Variants in GAREM1 observed in about 807,000 individuals in gnomAD.
GAREM1 encodes GRB2 associated regulator of MAPK1 subtype 1.
In GAREM1, 26 loss-of-function variants were observed where a neutral mutation model predicts 71.3. The observed-to-expected ratio is 0.36, with a 90% CI of 0.27 to 0.51. GAREM1 has a LOEUF of 0.51. Among genes scored for constraint, GAREM1 ranks in the 20% least tolerant of loss-of-function variants. The pLI is 0.95. For synonymous variants in GAREM1, 440 were observed against 433.2 expected (o/e 1.02, Z -0.20); for missense variants, 1,026 against 1,103.1 (o/e 0.93, Z 0.99).
At chr18:32,409,799 C>G (rs2048399982) in intron 1 of GAREM1, among the ~76,000 whole-genome samples, 2 of 152,090 alleles carry the variant, frequency 1.3e-5, no homozygotes, top group Non-Finnish European at 2.9e-5. Context: ...TTCAGAAAAA[C>G]AGATAAGCAA....
intron 3 of GAREM1, 138 bp from the exon 4 acceptor site, chr18:32,288,341 T>C (rs2047048240): frequency 1.6e-6 from 1 of 624,788 alleles, no homozygotes; most frequent in African/African-American, 1.8e-5. Flanking sequence ...AGACACCTCA[T>C]TTCTTTTATT....
chr18:32,468,200 C>A (rs2049016207), intron 1 of GAREM1, among the ~76,000 whole-genome samples: 2 of 152,152 alleles, frequency 1.3e-5, no homozygotes, highest in Non-Finnish European at 1.5e-5. Context: ...AAAAAACTCC[C>A]AGATGTATGT....
At chr18:32,398,184 T>C (rs537052812) in intron 1 of GAREM1, among the ~76,000 whole-genome samples, 2 of 152,300 alleles carry the variant, frequency 1.3e-5, no homozygotes, top group African/African-American at 4.8e-5. Context: ...GGGAAATTTA[T>C]AGCACTAAAT....
At chr18:32,347,760 T>C (rs1340655439) in intron 2 of GAREM1, among the ~76,000 whole-genome samples, 2 of 152,224 alleles carry the variant, frequency 1.3e-5, no homozygotes, top group East Asian at 3.9e-4. Context: ...TCAGAGTTTA[T>C]AAGACAGTTC....
At chr18:32,423,342 G>C (rs2048539030) in intron 1 of GAREM1, among the ~76,000 whole-genome samples, 1 of 151,446 alleles carries the variant, frequency 6.6e-6, no homozygotes, top group African/African-American at 2.4e-5. Flanking sequence ...TATGAAATAG[G>C]TATTAGTTTA....
intron 2 of GAREM1, among the ~76,000 whole-genome samples, chr18:32,322,641 G>T (rs1341485576): frequency 6.6e-6 from 1 of 151,320 alleles, no homozygotes; most frequent in African/African-American, 2.4e-5. Flanking sequence ...AAGCAGATGT[G>T]TCAATCACCT....
chr18:32,325,903 C>G (rs1316698440), intron 2 of GAREM1, among the ~76,000 whole-genome samples: 2 of 152,144 alleles, frequency 1.3e-5, no homozygotes, highest in Non-Finnish European at 2.9e-5. Context: ...CAGTAAGTGG[C>G]ACATGACAAG....
At chr18:32,434,662 T>A (rs1300346734) in intron 1 of GAREM1, among the ~76,000 whole-genome samples, 2 of 150,522 alleles carry the variant, frequency 1.3e-5, no homozygotes, top group African/African-American at 2.4e-5. Context: ...AATAAGGAAA[T>A]AAATATGGGA....
rs1267589566 is a variant in GAREM1 at position 32,310,209 on chromosome 18, A to G, written c.377T>C (p.Ile126Thr). The change falls in exon 3 of 6, where the codon ATC becomes ACC. Residue 126 changes from isoleucine (I) to threonine (T), a missense_variant. Physicochemically the swap from Ile to Thr is moderately conservative, Grantham distance 89 (BLOSUM62 -1). This residue lies in a region of GAREM1 where 172 missense variants were observed against 175.2 expected (regional missense o/e 0.98). Transcript: ENST00000269209. ...FPERVYVMED[I>T]TFNVKVASGE... ...AGCTACTACCTTCACGTTGAATGTG[A>G]TATCCTCCATGACGTACACGCGTTC... 1 of 1,614,060 alleles carries G rather than the reference A, an allele frequency of 6.2e-7. No homozygotes were observed. Among genetic ancestry groups the G allele is most frequent in the South Asian group, 1.1e-5 (1 of 91,048 alleles).
intron 1 of GAREM1, among the ~76,000 whole-genome samples, chr18:32,409,528 A>G (rs1044537943): frequency 1.3e-5 from 2 of 152,228 alleles, no homozygotes; most frequent in Non-Finnish European, 2.9e-5. Flanking sequence ...AAGTCAAAGA[A>G]CTTCATGGTG....
At position 32,470,307 on chromosome 18, in the gene GAREM1, C is replaced by T; in HGVS notation, c.121+1G>A. ...TGCCCCGCGCCCCAGCTGGGACTCA[C>T]CGTTGTCCAGGCGCGCGATCTGGGG... On this transcript the variant is annotated splice_donor_variant, in intron 1 of 5. Transcript: ENST00000269209. LOFTEE classifies it high-confidence loss of function. The surrounding 1 kb of genome is among the most constrained non-coding windows in gnomAD (Gnocchi z 4.4). 1.3e-6 allele frequency: 2 copies of T among 1,548,386 alleles called. No homozygotes were observed. Among genetic ancestry groups the T allele is most frequent in the Non-Finnish European group, 1.7e-6 (2 of 1,150,560 alleles).
At chr18:32,322,612 C>A (rs1185861729) in intron 2 of GAREM1, among the ~76,000 whole-genome samples, 1 of 152,112 alleles carries the variant, frequency 6.6e-6, no homozygotes, top group African/African-American at 2.4e-5. Context: ...CGTGAACTAA[C>A]CAGTAAACTT....
chr18:32,269,835 T>A (rs1273892951), intron 5 of GAREM1, among the ~76,000 whole-genome samples: 2 of 152,122 alleles, frequency 1.3e-5, no homozygotes, highest in Non-Finnish European at 2.9e-5. Context: ...AATGGGACCC[T>A]TTCCATTTTA....
intron 3 of GAREM1, among the ~76,000 whole-genome samples, chr18:32,299,923 CT>C (rs1265106227): frequency 2.0e-5 from 3 of 152,068 alleles, no homozygotes; most frequent in African/African-American, 4.8e-5. Flanking sequence ...TATTATGAGA[CT>C]GTAAAAATAT....
At position 32,360,714 on chromosome 18, in the gene GAREM1, T is replaced by G. The variant is rs144570196; in HGVS notation, c.262+32181A>C. Among the ~76,000 whole-genome samples the G allele has an allele frequency of 3.1e-4, 47 of 152,300 alleles. 1 individual carries two copies. The East Asian group carries it at 4.4e-3, about 14-fold the overall frequency. On this transcript the variant is annotated intron_variant, in intron 2 of 5. Transcript: ENST00000269209. ...ACTGGCATGTCATCCTCACTATAGC[T>G]CCATTCTGTTGAAAACTGATTAAAT...
intron 2 of GAREM1, among the ~76,000 whole-genome samples, chr18:32,359,648 A>G (rs2047843971): frequency 6.6e-6 from 1 of 150,696 alleles, no homozygotes; most frequent in South Asian, 2.1e-4. Context: ...CATGTGATCT[A>G]TCAGTTTTCT....
At chr18:32,401,156 C>T (rs536916796) in intron 1 of GAREM1, among the ~76,000 whole-genome samples, 1 of 152,126 alleles carries the variant, frequency 6.6e-6, no homozygotes, top group East Asian at 1.9e-4. Flanking sequence ...AGGGGAACAT[C>T]ACACACCAGG....
chr18:32,345,822 T>C lies in GAREM1; in HGVS notation c.263-35499A>G, dbSNP rs535143103. 9.8e-5 allele frequency among the ~76,000 whole-genome samples: 15 copies of C among 152,312 alleles called. No individual in the cohort carries two copies. The East Asian group carries it at 2.9e-3, about 29-fold the overall frequency. ...GTCCAGCTGGTCAAAAGCAGATTAC[T>C]GATGGTGCAGCAGTTAATCATCTTG... On this transcript the variant is annotated intron_variant, in intron 2 of 5. Transcript: ENST00000269209.
At chr18:32,273,111 G>A (rs1055269573) in intron 4 of GAREM1, among the ~76,000 whole-genome samples, 5 of 152,232 alleles carry the variant, frequency 3.3e-5, no homozygotes, top group Admixed American at 6.5e-5. Context: ...CATGGAAAAT[G>A]TGAGACGATA....
Sources: gnomAD v4.1 joint callset for allele counts (sites outside exome capture counted in the v4.1 genomes callset) on GRCh38, gnomAD v4.1.1 for gene constraint, gnomAD v4.1.1 regional missense constraint, Gnocchi (gnomAD v3.1) non-coding constraint, MANE v1.5 for transcripts, NCBI Gene and HGNC (gene_info 2026-07-23, HGNC 2026-07-21) for gene names.